The following CDH4 variants were observed in gnomAD, a reference collection of about 807,000 sequenced individuals.
CDH4 encodes the protein cadherin-4.
A neutral mutation model predicts 86.0 loss-of-function variants in CDH4; 33 were observed. The ratio of observed to expected loss-of-function variants is 0.38; its 90% CI spans 0.29 to 0.51. The LOEUF is 0.51. Ranked by LOEUF, CDH4 falls within the 20% of genes least tolerant of loss-of-function variation. CDH4 has a pLI of 0.86. For missense variants in CDH4, 1,114 were observed against 1,307.4 expected, an observed-to-expected ratio of 0.85 and a Z score of 2.28; for synonymous variants, 555 against 549.4, an observed-to-expected ratio of 1.01 and a Z score of -0.14.
At chr20:61,933,366 C>A (rs1203932704) in intron 14 of CDH4, among the ~76,000 whole-genome samples, 1 of 152,324 alleles carries the variant, frequency 6.6e-6, no homozygotes, top group South Asian at 2.1e-4. Flanking sequence ...ATCACCAGCC[C>A]CAGCCCAGTG....
intron 2 of CDH4, among the ~76,000 whole-genome samples, chr20:61,552,705 C>A (rs1040876137): frequency 1.3e-5 from 2 of 151,566 alleles, no homozygotes; most frequent in Non-Finnish European, 2.9e-5. Context: ...ATCTCAAAAA[C>A]AAAAAATGAA....
At chr20:61,888,047 AG>A in intron 7 of CDH4, among the ~76,000 whole-genome samples, 1 of 152,194 alleles carries the variant, frequency 6.6e-6, no homozygotes, top group African/African-American at 2.4e-5. Context: ...GTAAAGAACA[AG>A]AGAAACTTGG....
intron 2 of CDH4, among the ~76,000 whole-genome samples, chr20:61,602,842 C>T (rs1432752700): frequency 4.6e-5 from 7 of 152,202 alleles, no homozygotes; most frequent in East Asian, 1.9e-4. Context: ...CTGGGGTACA[C>T]GCCCGCAGGG....
At position 61,879,737 on chromosome 20, in the gene CDH4, G is replaced by A. The variant is rs974155392; in HGVS notation, c.1050+5837G>A. On this transcript the variant is annotated intron_variant, in intron 7 of 15. Coordinates refer to ENST00000614565, the MANE Select transcript of CDH4 (RefSeq NM_001794.5). This position sits in a 1 kb window ranked among gnomAD's most constrained non-coding sequence, Gnocchi z 4.1. ...GCCGCCCGAGCCCCGTCCTGAAGGT[G>A]AGAGTGGGCTCTGCAGACGCAGGCG... Among the ~76,000 whole-genome samples the A allele has an allele frequency of 1.3e-5, 2 of 152,174 alleles. No homozygotes were observed. Among genetic ancestry groups the A allele is most frequent in the Admixed American group, 1.3e-4 (2 of 15,280 alleles).
chr20:61,759,009 G>T lies in CDH4; in HGVS notation c.397-13994G>T, dbSNP rs182673506. On this transcript the variant is annotated intron_variant, in intron 3 of 15. Coordinates refer to ENST00000614565, the MANE Select transcript of CDH4 (RefSeq NM_001794.5). ...TGGGTGTGCACGTGTATGCCCACTT[G>T]TGAGTATATGTGTGTGCACATGTGT... Among the ~76,000 whole-genome samples, 145 of 152,322 alleles carry T rather than the reference G, an allele frequency of 9.5e-4. 1 individual carries two copies. The highest frequency in any genetic ancestry group is 3.4e-3 in the African/African-American group (140 of 41,574).
chr20:61,326,063 T>C (rs896942313), intron 2 of CDH4, among the ~76,000 whole-genome samples: 2 of 152,226 alleles, frequency 1.3e-5, no homozygotes, highest in African/African-American at 4.8e-5. Context: ...TGTAACTACA[T>C]TTTCCCTTCT....
rs555029630 is a variant in CDH4, at chr20:61,786,925, C to T, written c.576+13743C>T. Among the ~76,000 whole-genome samples, 7 of 152,326 alleles carry T rather than the reference C, an allele frequency of 4.6e-5. No individual in the cohort carries two copies. In the East Asian group the frequency reaches 1.4e-3, roughly 29 times the overall value. On this transcript the variant is annotated intron_variant, in intron 4 of 15. Transcript: ENST00000614565. ...CTGTAGAGTGCAGCTGTTCTGAGGA[C>T]AAGTTTAAGGGTGAAGGAGAGTATG...
intron 2 of CDH4, among the ~76,000 whole-genome samples, chr20:61,659,858 C>G (rs958242854): frequency 1.3e-5 from 2 of 152,200 alleles, no homozygotes; most frequent in African/African-American, 4.8e-5. Flanking sequence ...AGGGCTGCAG[C>G]TGCAGCCTCT....
At chr20:61,372,817 C>G (rs190171641) in intron 2 of CDH4, among the ~76,000 whole-genome samples, 2 of 152,228 alleles carry the variant, frequency 1.3e-5, no homozygotes, top group African/African-American at 4.8e-5. Flanking sequence ...GACACACTTA[C>G]CAAGCTAGAC....
At chr20:61,697,751 C>T (rs1162037128) in intron 2 of CDH4, among the ~76,000 whole-genome samples, 1 of 152,226 alleles carries the variant, frequency 6.6e-6, no homozygotes, top group Non-Finnish European at 1.5e-5. Context: ...GGACGTCTCC[C>T]CAGAGGGGTG....
chr20:61,528,997 G>A (rs543658514), intron 2 of CDH4, among the ~76,000 whole-genome samples: 1 of 152,286 alleles, frequency 6.6e-6, no homozygotes, highest in African/African-American at 2.4e-5. Flanking sequence ...GGGTTTTCTG[G>A]TGAAATGTTC....
chr20:61,265,216 T>C (rs1411645365), intron 2 of CDH4, among the ~76,000 whole-genome samples: 4 of 144,918 alleles, frequency 2.8e-5, no homozygotes, highest in African/African-American at 1.0e-4. Context: ...TACTCATATC[T>C]CAGTGGCTCC....
intron 9 of CDH4, among the ~76,000 whole-genome samples, chr20:61,922,548 A>T (rs890784942): frequency 1.3e-5 from 2 of 152,214 alleles, no homozygotes; most frequent in African/African-American, 4.8e-5. Context: ...GGGTTACAAC[A>T]ATAGAACTGT....
At chr20:61,460,168 G>T (rs1396859432) in intron 2 of CDH4, among the ~76,000 whole-genome samples, 1 of 152,186 alleles carries the variant, frequency 6.6e-6, no homozygotes, top group Non-Finnish European at 1.5e-5. Flanking sequence ...AACAGGGAGC[G>T]CTTTGCCCTC....
At chr20:61,741,075 G>T (rs927708554) in intron 2 of CDH4, among the ~76,000 whole-genome samples, 6 of 152,176 alleles carry the variant, frequency 3.9e-5, no homozygotes, top group African/African-American at 1.4e-4. Context: ...TGGGCATGGT[G>T]GTGCACGCCT....
intron 2 of CDH4, among the ~76,000 whole-genome samples, chr20:61,640,911 T>C (rs4925264): frequency 0.64 from 97,003 of 152,146 alleles, 31,622 homozygotes; most frequent in African/African-American, 0.78. Context: ...AGCTCTGAGA[T>C]GGGGGAAGCG....
At chr20:61,565,098 G>GTGC (rs2086258187) in intron 2 of CDH4, among the ~76,000 whole-genome samples, 1 of 122,674 alleles carries the variant, frequency 8.2e-6, no homozygotes, top group Admixed American at 8.3e-5. Flanking sequence ...GCTCTTGGTG[G>GTGC]TGCTCTTGGT....
At chr20:61,254,532 C>T (rs1214690264) in intron 1 of CDH4, among the ~76,000 whole-genome samples, 2 of 152,222 alleles carry the variant, frequency 1.3e-5, no homozygotes, top group Non-Finnish European at 2.9e-5. Context: ...TCAGGCGTCT[C>T]CTCTGCCAAT....
intron 2 of CDH4, among the ~76,000 whole-genome samples, chr20:61,624,914 C>T (rs760705344): frequency 3.3e-5 from 5 of 152,228 alleles, no homozygotes; most frequent in Admixed American, 6.5e-5. Flanking sequence ...GAACCTGCAG[C>T]ATAGGAGGCC....
Sources: gnomAD v4.1 joint callset for allele counts (sites outside exome capture counted in the v4.1 genomes callset) on GRCh38, gnomAD v4.1.1 for gene constraint, Gnocchi (gnomAD v3.1) non-coding constraint, MANE v1.5 for transcripts, NCBI Gene and HGNC (gene_info 2026-07-23, HGNC 2026-07-21) for gene names.